KDM4C: variants seen among roughly 807,000 people sequenced by gnomAD.
KDM4C encodes the protein lysine-specific demethylase 4C.
In KDM4C, 81 loss-of-function variants were observed where a neutral mutation model predicts 129.3. The observed-to-expected ratio is 0.63, with a 90% CI of 0.52 to 0.75. KDM4C has a LOEUF of 0.75. KDM4C is among the 30% of genes least tolerant of loss of function. The pLI, the probability that KDM4C is intolerant of heterozygous loss-of-function variation, is 0.00. For missense variants in KDM4C, 1,457 were observed against 1,304.0 expected (o/e 1.12, Z -1.81); for synonymous variants, 573 against 456.1 (o/e 1.26, Z -3.26).
intron 8 of KDM4C, among the ~76,000 whole-genome samples, chr9:6,973,248 G>A (rs1832310066): frequency 6.6e-6 from 1 of 151,978 alleles, no homozygotes; most frequent in African/African-American, 2.4e-5. Context: ...TTGCTGTGTT[G>A]CCCAGGCTGC....
intron 17 of KDM4C, among the ~76,000 whole-genome samples, chr9:7,093,300 T>C (rs1241487381): frequency 6.6e-6 from 1 of 152,184 alleles, no homozygotes; most frequent in Non-Finnish European, 1.5e-5. Context: ...GTTCTGAGTC[T>C]GAAACAATAC....
chr9:6,974,385 A>C (rs772896266), intron 8 of KDM4C, among the ~76,000 whole-genome samples: 3 of 152,180 alleles, frequency 2.0e-5, no homozygotes, highest in Non-Finnish European at 4.4e-5. Flanking sequence ...TTTGAGACGG[A>C]GTCTTACTCT....
intron 1 of KDM4C, among the ~76,000 whole-genome samples, chr9:6,778,549 C>A (rs1003934387): frequency 6.7e-6 from 1 of 149,072 alleles, no homozygotes; most frequent in African/African-American, 2.5e-5. Flanking sequence ...GGAGGATCAC[C>A]TAAGGTCAGG....
chr9:7,003,721 A>G (rs1346224811), intron 12 of KDM4C, among the ~76,000 whole-genome samples: 1 of 152,334 alleles, frequency 6.6e-6, no homozygotes, highest in East Asian at 1.9e-4. Flanking sequence ...TAGTAAAATC[A>G]TACCTAAAGT....
chr9:7,110,318 G>T (rs528096775), intron 18 of KDM4C, among the ~76,000 whole-genome samples: 95 of 152,264 alleles, frequency 6.2e-4, no homozygotes, highest in African/African-American at 2.2e-3. Flanking sequence ...GCTAATTTAG[G>T]ACTAGAGCCA....
intron 4 of KDM4C, 118 bp from the exon 5 acceptor site, chr9:6,849,389 C>T: frequency 1.4e-6 from 1 of 725,048 alleles, no homozygotes; most frequent in Non-Finnish European, 2.1e-6. Context: ...TTTCAGTTTT[C>T]AGTTAGTTAG....
At chr9:6,912,595 G>A (rs1336203443) in intron 8 of KDM4C, among the ~76,000 whole-genome samples, 1 of 152,196 alleles carries the variant, frequency 6.6e-6, no homozygotes, top group Non-Finnish European at 1.5e-5. Flanking sequence ...ATTGTTCATT[G>A]TTCTATCTGA....
chr9:6,842,885 A>G (rs1356450366), intron 4 of KDM4C, among the ~76,000 whole-genome samples: 1 of 151,936 alleles, frequency 6.6e-6, no homozygotes, highest in Non-Finnish European at 1.5e-5. Flanking sequence ...GTCCTGCTTT[A>G]TTACTCAGCT....
At chr9:6,822,055 T>C (rs1833124768) in intron 4 of KDM4C, among the ~76,000 whole-genome samples, 1 of 152,212 alleles carries the variant, frequency 6.6e-6, no homozygotes, top group Non-Finnish European at 1.5e-5. Flanking sequence ...AAGTTATTAT[T>C]TTTAAAACCA....
At chr9:6,857,528 C>G in intron 5 of KDM4C, among the ~76,000 whole-genome samples, 1 of 152,118 alleles carries the variant, frequency 6.6e-6, no homozygotes, top group Non-Finnish European at 1.5e-5. Flanking sequence ...CTGCTCAGCA[C>G]AGAATTCCCT....
At chr9:7,011,539 C>G (rs999677675) in intron 12 of KDM4C, among the ~76,000 whole-genome samples, 159 bp from the exon 13 acceptor site, 1 of 152,140 alleles carries the variant, frequency 6.6e-6, no homozygotes, top group Non-Finnish European at 1.5e-5. Flanking sequence ...GGCAACTTCC[C>G]TTATCCTGGC....
In KDM4C at chr9:6,981,010, A is replaced by C. The variant is rs1816678428; in HGVS notation, c.1007A>C (p.Gln336Pro). ...CCAGACAGATATCAGCTTTGGAAACAAGGAAAGGATATATACACCATTGAT... is the reference window on the plus strand; with the variant it reads ...CCAGACAGATATCAGCTTTGGAAACCAGGAAAGGATATATACACCATTGAT... ...FQPDRYQLWK[Q>P]GKDIYTIDHT... The change falls in exon 9 of 22, where the codon CAA (glutamine) becomes CCA (proline). Residue 336 changes from glutamine to proline, a missense_variant. Coordinates refer to ENST00000381309, the MANE Select transcript of KDM4C (RefSeq NM_015061.6). 1 of 1,613,846 alleles carries C rather than the reference A, an allele frequency of 6.2e-7. No individual in the cohort carries two copies. The highest frequency in any genetic ancestry group is 1.3e-5 in the African/African-American group (1 of 74,918).
intron 8 of KDM4C, chr9:6,942,411 T>C (rs1279993093): frequency 7.8e-6 from 1 of 128,616 alleles, no homozygotes; most frequent in African/African-American, 2.8e-5. Context: ...GTCTTTTTTC[T>C]ATTTTTTCTA....
Position 7,165,220 on chromosome 9 carries a change from T to C in KDM4C, c.2782-18T>C. Reference sequence around the variant, plus strand: ...TTAGGCACTCCTTTTGAAAAGCCTGTCTCTGTTTATTCTGCAGAGCCGAGA... The same window carrying C: ...TTAGGCACTCCTTTTGAAAAGCCTGCCTCTGTTTATTCTGCAGAGCCGAGA... On this transcript the variant is annotated intron_variant, in intron 19 of 21. Transcript: ENST00000381309. 1 of 1,612,266 alleles carries C rather than the reference T, an allele frequency of 6.2e-7. No homozygotes were observed. Among genetic ancestry groups the C allele is most frequent in the Non-Finnish European group, 8.5e-7 (1 of 1,179,504 alleles).
At chr9:6,762,255 C>T (rs562239116) in intron 1 of KDM4C, among the ~76,000 whole-genome samples, 1 of 152,076 alleles carries the variant, frequency 6.6e-6, no homozygotes, top group Non-Finnish European at 1.5e-5. Context: ...CCCAGCCCCC[C>T]ACCCCACAAC....
chr9:6,805,464 C>CTTT (rs373482627), intron 2 of KDM4C, 135 bp from the exon 3 acceptor site: 33 of 459,180 alleles, frequency 7.2e-5, no homozygotes, highest in South Asian at 2.8e-4. Flanking sequence ...AAATATTCAT[C>CTTT]TTTTTTTTTT....
intron 5 of KDM4C, among the ~76,000 whole-genome samples, chr9:6,869,840 C>T (rs980682756): frequency 1.3e-4 from 20 of 152,248 alleles, no homozygotes; most frequent in Non-Finnish European, 2.4e-4. Flanking sequence ...TCCTCACGTT[C>T]ATCTGTTTTT....
intron 19 of KDM4C, among the ~76,000 whole-genome samples, chr9:7,160,533 C>T (rs552869487): frequency 3.9e-5 from 6 of 152,114 alleles, no homozygotes; most frequent in East Asian, 1.9e-4. Flanking sequence ...TCTTTTTTGT[C>T]GATGTTGATG....
intron 17 of KDM4C, among the ~76,000 whole-genome samples, chr9:7,061,103 A>T (rs896900393): frequency 3.9e-5 from 6 of 152,126 alleles, no homozygotes; most frequent in African/African-American, 1.4e-4. Flanking sequence ...CTTATTTTGG[A>T]GAGGGGAAGA....
Sources: allele counts gnomAD v4.1 joint callset (sites outside exome capture counted in the v4.1 genomes callset), GRCh38; gene constraint gnomAD v4.1.1; transcripts MANE v1.5; gene names NCBI Gene and HGNC (gene_info 2026-07-23, HGNC 2026-07-21).